The following AGAP1 variants were observed in gnomAD, a reference collection of about 807,000 sequenced individuals.
AGAP1 encodes ArfGAP with GTPase domain, ankyrin repeat and PH domain 1, also known as arf-GAP with GTPase, ANK repeat and PH domain-containing protein 1.
Under a neutral mutation model 105.3 loss-of-function variants are expected in AGAP1, and 29 were observed. That is an observed-to-expected ratio of 0.28 (90% CI 0.21 to 0.38). AGAP1 has a LOEUF of 0.38. AGAP1 is among the 10% of genes least tolerant of loss of function. AGAP1 has a pLI of 1.00. For synonymous variants in AGAP1, 509 were observed against 485.9 expected, an observed-to-expected ratio of 1.05 and a Z score of -0.63; for missense variants, 998 against 1,165.1, an observed-to-expected ratio of 0.86 and a Z score of 2.09.
At chr2:235,500,693 C>G (rs1941525625) in intron 1 of AGAP1, among the ~76,000 whole-genome samples, 1 of 152,132 alleles carries the variant, frequency 6.6e-6, no homozygotes. Context: ...AGCTGGTGTT[C>G]ATGTGATCTT....
chr2:236,045,987 G>A lies in AGAP1; in HGVS notation c.1892-3072G>A, dbSNP rs895449271. On this transcript the variant is annotated intron_variant, in intron 15 of 17. Coordinates refer to ENST00000304032, the MANE Select transcript of AGAP1 (RefSeq NM_001037131.3). The surrounding 1 kb of genome is among the most constrained non-coding windows in gnomAD (Gnocchi z 6.9). ...GGAATGTGTCCCACGCATGAATGTC[G>A]TCCTTCAGATCTGGACCTGACAGCC... The A allele has an allele frequency of 3.8e-5, 18 of 471,740 alleles. No homozygotes were observed. Among genetic ancestry groups the A allele is most frequent in the South Asian group, 7.7e-5 (5 of 64,558 alleles). 29.2% of individuals were successfully genotyped at this position (471,740 alleles called of 1,614,324 possible). A position where few individuals can be genotyped will look rare whatever the true frequency, so the allele number is the denominator to read the frequency against.
chr2:236,043,149 G>A (rs760868492), intron 15 of AGAP1, among the ~76,000 whole-genome samples: 1 of 152,224 alleles, frequency 6.6e-6, no homozygotes, highest in Non-Finnish European at 1.5e-5. Context: ...AAAGTACCGG[G>A]ATAGGTACAG....
chr2:235,568,293 G>A (rs990708241), intron 1 of AGAP1, among the ~76,000 whole-genome samples: 4 of 152,226 alleles, frequency 2.6e-5, no homozygotes, highest in Non-Finnish European at 5.9e-5. Flanking sequence ...AGCTCTGTGG[G>A]ATCCGAGCTG....
In AGAP1 at chr2:235,609,949, A is replaced by G. The variant is rs1446962147; in HGVS notation, c.164-99230A>G. On this transcript the variant is annotated intron_variant, in intron 1 of 17. Coordinates refer to ENST00000304032, the MANE Select transcript of AGAP1 (RefSeq NM_001037131.3). This position sits in a 1 kb window ranked among gnomAD's most constrained non-coding sequence, Gnocchi z 5.1. ...GGGAGTGAGTGGCCAACCACCTGAGAATACCTGGTGTTTCCTTCCTCAGGG... is the reference window on the plus strand; with the variant it reads ...GGGAGTGAGTGGCCAACCACCTGAGGATACCTGGTGTTTCCTTCCTCAGGG... Among the ~76,000 whole-genome samples, 5 of 152,042 alleles carry G rather than the reference A, an allele frequency of 3.3e-5. No individual in the cohort carries two copies. Among genetic ancestry groups the G allele is most frequent in the Admixed American group, 6.6e-5 (1 of 15,264 alleles).
At chr2:235,604,739 C>T (rs1945866081) in intron 1 of AGAP1, among the ~76,000 whole-genome samples, 1 of 151,394 alleles carries the variant, frequency 6.6e-6, no homozygotes, top group Admixed American at 6.6e-5. Flanking sequence ...CCCGCTACCA[C>T]GCCTGGCTAA....
chr2:235,590,687 G>A (rs1205359139), intron 1 of AGAP1, among the ~76,000 whole-genome samples: 11 of 98,008 alleles, frequency 1.1e-4, no homozygotes, highest in East Asian at 2.6e-4. Context: ...GTGTGTGTGC[G>A]TGTGCGTGTG....
chr2:235,525,460 T>TAACGTGGAGGACTGATACAA (rs1942795518), intron 1 of AGAP1, among the ~76,000 whole-genome samples: 1 of 151,754 alleles, frequency 6.6e-6, no homozygotes, highest in Non-Finnish European at 1.5e-5. Flanking sequence ...GACTGATACA[T>TAACGTGGAGGACTGATACAA]AACGTGGAGG....
chr2:235,935,565 G>A (rs192329802), intron 12 of AGAP1, among the ~76,000 whole-genome samples: 1 of 152,132 alleles, frequency 6.6e-6, no homozygotes, highest in African/African-American at 2.4e-5. Context: ...TCCTGTTGTG[G>A]TTTAAACTGT....
chr2:235,914,137 T>G (rs1013825813), intron 11 of AGAP1, among the ~76,000 whole-genome samples: 1 of 152,218 alleles, frequency 6.6e-6, no homozygotes, highest in Non-Finnish European at 1.5e-5. Context: ...TCAGCCATCT[T>G]GCTGAACTCT....
intron 2 of AGAP1, among the ~76,000 whole-genome samples, chr2:235,711,153 G>C (rs1559383135): frequency 6.6e-6 from 1 of 152,374 alleles, no homozygotes; most frequent in Non-Finnish European, 1.5e-5. Flanking sequence ...GTCACGGCTG[G>C]CGCCATGTGG....
chr2:236,103,742 T>C (rs2059416740), intron 16 of AGAP1, among the ~76,000 whole-genome samples: 1 of 152,070 alleles, frequency 6.6e-6, no homozygotes, highest in South Asian at 2.1e-4. Context: ...GCTAAATTTT[T>C]GTATTTAGTA....
chr2:235,565,014 C>G (rs1434695607), intron 1 of AGAP1, among the ~76,000 whole-genome samples: 1 of 149,598 alleles, frequency 6.7e-6, no homozygotes, highest in Non-Finnish European at 1.5e-5. Flanking sequence ...AAGCCAGGGT[C>G]ATCCTCACAG....
chr2:236,084,390 C>T (rs1257454613), intron 16 of AGAP1, among the ~76,000 whole-genome samples: 1 of 152,174 alleles, frequency 6.6e-6, no homozygotes, highest in Non-Finnish European at 1.5e-5. Context: ...TTTTCCCTGA[C>T]ATTCGTACTC....
At chr2:235,616,036 C>T (rs538273978) in intron 1 of AGAP1, among the ~76,000 whole-genome samples, 3 of 152,214 alleles carry the variant, frequency 2.0e-5, no homozygotes, top group African/African-American at 7.2e-5. Context: ...ATATATTTGG[C>T]TTTGTTGATT....
intron 6 of AGAP1, among the ~76,000 whole-genome samples, chr2:235,779,831 C>T (rs755086660): frequency 1.1e-4 from 16 of 152,300 alleles, no homozygotes; most frequent in East Asian, 3.9e-4. Flanking sequence ...AAGCCTGGAC[C>T]GCTGTCAGAA....
Position 235,737,986 on chromosome 2 carries a change from TG to T in AGAP1, c.311-2973del, listed in dbSNP as rs1474098964. 2.0e-5 allele frequency among the ~76,000 whole-genome samples: 3 copies of T among 151,882 alleles called. No homozygotes were observed. Among genetic ancestry groups the T allele is most frequent in the African/African-American group, 7.3e-5 (3 of 41,338 alleles). The stretch of plus-strand genomic sequence containing the variant: ...AACCATCAGAGGGCAGGGCTGGAGC[TG>T]GGGCCCTGTAGGGCACTCAGCGTCC... On this transcript the variant is annotated intron_variant, in intron 3 of 17. Coordinates refer to ENST00000304032, the MANE Select transcript of AGAP1 (RefSeq NM_001037131.3). This position sits in a 1 kb window ranked among gnomAD's most constrained non-coding sequence, Gnocchi z 4.5.
At chr2:235,972,810 C>T (rs1228718325) in intron 13 of AGAP1, among the ~76,000 whole-genome samples, 3 of 152,236 alleles carry the variant, frequency 2.0e-5, no homozygotes, top group African/African-American at 7.2e-5. Context: ...CCATGCCACT[C>T]TGTTGGTGGT....
rs528710642 is a variant in AGAP1 at position 236,030,986 on chromosome 2, G to A, written c.1646-5575G>A. ...ATTTTGAGATTTTATGATTAGAATA[G>A]CATTGTAATCATTAACAGAAATACA... On this transcript the variant is annotated intron_variant, in intron 13 of 17. Coordinates refer to ENST00000304032, the MANE Select transcript of AGAP1 (RefSeq NM_001037131.3). Among the ~76,000 whole-genome samples the A allele has an allele frequency of 2.0e-5, 3 of 152,300 alleles. No individual in the cohort carries two copies. The South Asian group carries it at 6.2e-4, about 32-fold the overall frequency.
At chr2:235,634,401 T>G (rs1946925653) in intron 1 of AGAP1, among the ~76,000 whole-genome samples, 1 of 152,174 alleles carries the variant, frequency 6.6e-6, no homozygotes, top group Non-Finnish European at 1.5e-5. Context: ...AGCTGAGACT[T>G]CGGAAGGTTC....
Sources: gnomAD v4.1 joint callset for allele counts (sites outside exome capture counted in the v4.1 genomes callset) on GRCh38, gnomAD v4.1.1 for gene constraint, Gnocchi (gnomAD v3.1) non-coding constraint, MANE v1.5 for transcripts, NCBI Gene and HGNC (gene_info 2026-07-23, HGNC 2026-07-21) for gene names.